The following TUT4 variants were observed in gnomAD, a reference collection of about 807,000 sequenced individuals.
The protein encoded by TUT4 is terminal uridylyltransferase 4.
In TUT4, 36 loss-of-function variants were observed where a neutral mutation model predicts 192.2. The observed-to-expected ratio is 0.19, with a 90% CI of 0.14 to 0.25. The LOEUF (loss-of-function observed/expected upper bound fraction) is 0.25. Ranked by LOEUF, TUT4 falls within the 10% of genes least tolerant of loss-of-function variation. The pLI is 1.00. For synonymous variants in TUT4, 618 were observed against 666.0 expected (o/e 0.93, Z 1.11); for missense variants, 1,493 against 1,957.2 (o/e 0.76, Z 4.47).
At chr1:52,535,272 C>A (rs1362576237) in intron 1 of TUT4, 1 of 152,018 alleles carries the variant, frequency 6.6e-6, no homozygotes. Context: ...ATTTTCTTAT[C>A]TTTTCTCTCC....
chr1:52,515,846 T>A, intron 3 of TUT4, 45 bp downstream of exon 3: 4 of 1,610,618 alleles, frequency 2.5e-6, no homozygotes, highest in Non-Finnish European at 3.4e-6. Context: ...AAAACAGTTA[T>A]GAAACACACA....
rs557015532 is a variant in TUT4, at chr1:52,540,391, C to T, written c.-94+12540G>A. Reference sequence around the variant, plus strand: ...AATTGCAGGGTGTGGTGGCATGCACCTGTAGTCCGACTTCTCAGGAGGCTG... The same window carrying T: ...AATTGCAGGGTGTGGTGGCATGCACTTGTAGTCCGACTTCTCAGGAGGCTG... On this transcript the variant is annotated intron_variant, in intron 1 of 29. Coordinates refer to ENST00000257177, the MANE Select transcript of TUT4 (RefSeq NM_001009881.3). Among the ~76,000 whole-genome samples the T allele has an allele frequency of 7.3e-5, 11 of 151,106 alleles. No individual in the cohort carries two copies. The East Asian group carries it at 2.1e-3, about 30-fold the overall frequency.
intron 21 of TUT4, 23 bp from the exon 22 acceptor site, chr1:52,446,465 A>G: frequency 6.3e-7 from 1 of 1,576,296 alleles, no homozygotes; most frequent in Non-Finnish European, 8.6e-7. Context: ...AAAAAAAGAA[A>G]AGAACAATGT....
intron 13 of TUT4, among the ~76,000 whole-genome samples, chr1:52,474,190 A>G (rs1666517832): frequency 6.6e-6 from 1 of 152,260 alleles, no homozygotes; most frequent in Non-Finnish European, 1.5e-5. Flanking sequence ...CCTGGGCAAC[A>G]GAGCCAGACC....
At chr1:52,461,673 A>C (rs1319961213) in intron 17 of TUT4, 39 bp downstream of exon 17, 33 of 1,549,506 alleles carry the variant, frequency 2.1e-5, no homozygotes, top group Non-Finnish European at 2.6e-5. Flanking sequence ...ATGCTAAAAA[A>C]ATTTATTTTG....
intron 20 of TUT4, among the ~76,000 whole-genome samples, chr1:52,452,340 C>G (rs916597928): frequency 6.6e-6 from 1 of 152,158 alleles, no homozygotes; most frequent in African/African-American, 2.4e-5. Context: ...ACATACAACT[C>G]GTAACATCCT....
chr1:52,537,488 A>G (rs555021750), intron 1 of TUT4, among the ~76,000 whole-genome samples: 1 of 152,386 alleles, frequency 6.6e-6, no homozygotes, highest in East Asian at 1.9e-4. Context: ...ACAGGAAACA[A>G]AAGTTAACAC....
chr1:52,515,716 A>T (rs773691095), intron 3 of TUT4, 175 bp downstream of exon 3: 6 of 731,142 alleles, frequency 8.2e-6, no homozygotes, highest in African/African-American at 3.6e-5. Flanking sequence ...CTGCTGAAAA[A>T]GAGAGGCAAG....
chr1:52,461,808 C>T, intron 16 of TUT4, 39 bp from the exon 17 acceptor site: 1 of 1,152,316 alleles, frequency 8.7e-7, no homozygotes, highest in South Asian at 1.5e-5. Flanking sequence ...GACTCAATTT[C>T]ACCTTGTGCA....
rs1331496777 is a variant in TUT4, at chr1:52,489,039, T to A, written c.1389-4A>T. 2.5e-6 allele frequency: 4 copies of A among 1,604,378 alleles called. No individual in the cohort carries two copies. The highest frequency in any genetic ancestry group is 1.3e-5 in the African/African-American group (1 of 74,310). On this transcript the variant is annotated splice_region_variant and splice_polypyrimidine_tract_variant and intron_variant, in intron 8 of 29. Transcript: ENST00000257177. ...ACTCACTCTACAAAGTAAACCACTGTGAATGAGAAAGAAACAAATTTCATT... is the reference window on the plus strand; with the variant it reads ...ACTCACTCTACAAAGTAAACCACTGAGAATGAGAAAGAAACAAATTTCATT...
intron 1 of TUT4, chr1:52,529,801 G>A (rs1682856479): frequency 6.6e-6 from 1 of 152,066 alleles, no homozygotes. Context: ...AGAGTCCCAG[G>A]CTCAGAAAAT....
intron 2 of TUT4, among the ~76,000 whole-genome samples, chr1:52,524,205 T>C (rs1681072064): frequency 6.6e-6 from 1 of 152,196 alleles, no homozygotes; most frequent in South Asian, 2.1e-4. Context: ...TCAAAAGGAT[T>C]TTTTTAAAAA....
intron 27 of TUT4, chr1:52,434,820 AT>A (rs1361752333): frequency 6.6e-6 from 1 of 152,162 alleles, no homozygotes; most frequent in East Asian, 1.9e-4. Context: ...AGCCTAGGCA[AT>A]GGAGTGAGAC....
chr1:52,485,338 T>G (rs903713624), intron 9 of TUT4, among the ~76,000 whole-genome samples: 1 of 152,222 alleles, frequency 6.6e-6, no homozygotes, highest in African/African-American at 2.4e-5. Context: ...GTTATCTTAC[T>G]AAATTCTCTT....
intron 24 of TUT4, among the ~76,000 whole-genome samples, chr1:52,444,975 ATG>A (rs909187311): frequency 1.1e-4 from 15 of 140,688 alleles, no homozygotes; most frequent in South Asian, 6.5e-4. Flanking sequence ...ATACATGTAT[ATG>A]TGTGTATATA....
At chr1:52,435,131 C>A (rs1653353547) in intron 27 of TUT4, 1 of 309,236 alleles carries the variant, frequency 3.2e-6, no homozygotes, top group Non-Finnish European at 5.9e-6. Flanking sequence ...AGTTATTGTA[C>A]AATTGAAGAG....
intron 1 of TUT4, among the ~76,000 whole-genome samples, chr1:52,549,457 C>G (rs1372564242): frequency 5.3e-5 from 8 of 152,094 alleles, no homozygotes; most frequent in African/African-American, 1.9e-4. Flanking sequence ...TCCTCTCCAC[C>G]TAGCAAACTC....
Position 52,490,714 on chromosome 1 carries a change from A to C in TUT4, c.1388+18T>G. 6.3e-7 allele frequency: 1 copy of C among 1,591,102 alleles called. No homozygotes were observed. Among genetic ancestry groups the C allele is most frequent in the South Asian group, 1.2e-5 (1 of 85,608 alleles). ...TGGGGTTTGTTTTTTTAAATATTTT[A>C]TCTTCATTGTTACCAACCTTTTTCG... On this transcript the variant is annotated intron_variant, in intron 8 of 29. Coordinates refer to ENST00000257177, the MANE Select transcript of TUT4 (RefSeq NM_001009881.3).
At chr1:52,502,200 T>C (rs1236806321) in intron 4 of TUT4, among the ~76,000 whole-genome samples, 2 of 151,476 alleles carry the variant, frequency 1.3e-5, no homozygotes, top group African/African-American at 4.9e-5. Context: ...GTTCTTAACA[T>C]GGAATATAAA....
Sources: gnomAD v4.1 joint callset for allele counts (sites outside exome capture counted in the v4.1 genomes callset) on GRCh38, gnomAD v4.1.1 for gene constraint, MANE v1.5 for transcripts, NCBI Gene and HGNC (gene_info 2026-07-23, HGNC 2026-07-21) for gene names.